The following NEK10 variants were observed in gnomAD, a reference collection of about 807,000 sequenced individuals.
NEK10 encodes NIMA related kinase 10.
NEK10 carries 122 observed loss-of-function variants against 159.8 expected under a neutral mutation model. The observed-to-expected ratio is 0.76, with a 90% CI of 0.66 to 0.89. The LOEUF is 0.89. Ranked by LOEUF, NEK10 falls within the 40% of genes least tolerant of loss-of-function variation. NEK10 has a pLI of 0.00. For synonymous variants in NEK10, 466 were observed against 457.1 expected, an observed-to-expected ratio of 1.02 and a Z score of -0.25; for missense variants, 1,342 against 1,323.1, an observed-to-expected ratio of 1.01 and a Z score of -0.22.
intron 23 of NEK10, among the ~76,000 whole-genome samples, chr3:27,253,889 T>G (rs1456757812): frequency 6.6e-6 from 1 of 152,180 alleles, no homozygotes; most frequent in Non-Finnish European, 1.5e-5. Flanking sequence ...ACATTTCCAG[T>G]ACAAGTCTAT....
intron 7 of NEK10, 112 bp downstream of exon 7, chr3:27,314,185 G>A (rs543403804): frequency 5.0e-4 from 373 of 741,888 alleles, no homozygotes; most frequent in Non-Finnish European, 7.7e-4. Flanking sequence ...CCCTCTCTGG[G>A]GCAGACAGCA....
At chr3:27,272,991 C>CT (rs1308164986) in intron 22 of NEK10, among the ~76,000 whole-genome samples, 3 of 152,096 alleles carry the variant, frequency 2.0e-5, no homozygotes, top group African/African-American at 4.8e-5. Flanking sequence ...ATAAGGAAAA[C>CT]AGCTGATTGG....
At chr3:27,272,950 T>TC (rs2041484684) in intron 22 of NEK10, among the ~76,000 whole-genome samples, 1 of 152,020 alleles carries the variant, frequency 6.6e-6, no homozygotes, top group African/African-American at 2.4e-5. Context: ...TTCCTAACCT[T>TC]CCCCCATATA....
chr3:27,207,951 T>C (rs17019523), intron 23 of NEK10, among the ~76,000 whole-genome samples: 13,162 of 152,160 alleles, frequency 0.087, 1,869 homozygotes, highest in African/African-American at 0.3. Flanking sequence ...GAAAATCAAA[T>C]GATGCTCTAA....
intron 29 of NEK10, among the ~76,000 whole-genome samples, chr3:27,168,175 G>A (rs1396084636): frequency 2.6e-5 from 4 of 151,824 alleles, no homozygotes; most frequent in Non-Finnish European, 5.9e-5. Context: ...TTTTTAAAGA[G>A]TCAGTAAGGG....
chr3:27,361,039 T>C (rs2048646863), intron 1 of NEK10, among the ~76,000 whole-genome samples: 1 of 152,234 alleles, frequency 6.6e-6, no homozygotes, highest in Admixed American at 6.5e-5. Context: ...TGGACACTCC[T>C]TTAAGTGCTG....
At chr3:27,349,089 C>G (rs1461241835) in intron 3 of NEK10, among the ~76,000 whole-genome samples, 1 of 152,030 alleles carries the variant, frequency 6.6e-6, no homozygotes, top group Admixed American at 6.6e-5. Flanking sequence ...AAGGGGGTTG[C>G]AGTCCATGGA....
intron 32 of NEK10, among the ~76,000 whole-genome samples, chr3:27,130,945 T>A (rs1418386603): frequency 1.3e-5 from 2 of 152,192 alleles, no homozygotes; most frequent in African/African-American, 4.8e-5. Context: ...CTGTGTCTTT[T>A]TCCCCCATCT....
At chr3:27,123,030 C>T (rs1160013970) in intron 32 of NEK10, among the ~76,000 whole-genome samples, 1 of 152,160 alleles carries the variant, frequency 6.6e-6, no homozygotes, top group Non-Finnish European at 1.5e-5. Context: ...ATTCTAGGAA[C>T]TTCCCAGAAC....
intron 23 of NEK10, among the ~76,000 whole-genome samples, chr3:27,239,826 T>C (rs1954351555): frequency 6.6e-6 from 1 of 152,152 alleles, no homozygotes; most frequent in African/African-American, 2.4e-5. Context: ...AAAAAGAATT[T>C]CAAGTCATAA....
In NEK10 at chr3:27,243,218, A is replaced by C. The variant is rs6788846; in HGVS notation, c.2090+13078T>G. On this transcript the variant is annotated intron_variant, in intron 23 of 35. Transcript: ENST00000691995. The stretch of plus-strand genomic sequence containing the variant: ...GTTGTTATGAACAGTCTGAAATGCC[A>C]AGATAAAAAAGTTAATAATTAAAAT... Among the ~76,000 whole-genome samples the C allele has an allele frequency of 8.8e-3, 1,339 of 152,220 alleles. 24 individuals are homozygous for C. The highest frequency in any genetic ancestry group is 0.03 in the African/African-American group (1,242 of 41,540).
chr3:27,154,165 A>G (rs931753772), intron 30 of NEK10, among the ~76,000 whole-genome samples: 13 of 152,328 alleles, frequency 8.5e-5, no homozygotes, highest in African/African-American at 3.1e-4. Context: ...TCAGGTAACT[A>G]TGAACACCTT....
At chr3:27,202,318 A>G in intron 24 of NEK10, 110 bp downstream of exon 24, 1 of 1,016,456 alleles carries the variant, frequency 9.8e-7, no homozygotes, top group East Asian at 2.7e-5. Flanking sequence ...AATAAAAACA[A>G]TTCTTGCTTT....
intron 23 of NEK10, chr3:27,215,125 C>G: frequency 2.5e-6 from 1 of 394,310 alleles, no homozygotes. Flanking sequence ...TTGAAAACTT[C>G]CATAGTTTCG....
intron 23 of NEK10, among the ~76,000 whole-genome samples, chr3:27,236,169 A>G (rs893077033): frequency 2.0e-5 from 3 of 152,258 alleles, no homozygotes; most frequent in East Asian, 3.9e-4. Context: ...GGATGGAAGG[A>G]GAGAGAGGAT....
chr3:27,310,794 T>C, intron 9 of NEK10, 155 bp downstream of exon 9: 2 of 500,096 alleles, frequency 4.0e-6, no homozygotes, highest in African/African-American at 2.0e-5. Flanking sequence ...TGGTAAAGAA[T>C]ATAAAAGGGT....
intron 32 of NEK10, among the ~76,000 whole-genome samples, chr3:27,130,420 A>T (rs574565223): frequency 1.8e-4 from 27 of 152,268 alleles, no homozygotes; most frequent in Admixed American, 7.2e-4. Flanking sequence ...TGGGTGGGAG[A>T]ATTTAACAAA....
intron 31 of NEK10, among the ~76,000 whole-genome samples, chr3:27,134,452 T>C (rs987583314): frequency 3.3e-5 from 5 of 152,350 alleles, no homozygotes; most frequent in Admixed American, 1.3e-4. Context: ...GCGAGCCTTC[T>C]CTGCTATGAC....
At chr3:27,256,896 C>T (rs892651679) in intron 22 of NEK10, among the ~76,000 whole-genome samples, 4 of 148,946 alleles carry the variant, frequency 2.7e-5, no homozygotes, top group African/African-American at 7.4e-5. Context: ...TCTTCAGGTA[C>T]TTCTCTTTTT....
Sources: gnomAD v4.1 joint callset for allele counts (sites outside exome capture counted in the v4.1 genomes callset) on GRCh38, gnomAD v4.1.1 for gene constraint, MANE v1.5 for transcripts, NCBI Gene and HGNC (gene_info 2026-07-23, HGNC 2026-07-21) for gene names.